Variants in SORL1 observed in about 807,000 individuals in gnomAD.
The protein encoded by SORL1 is sortilin related receptor 1.
Under a neutral mutation model 273.7 loss-of-function variants are expected in SORL1, and 127 were observed. The ratio of observed to expected loss-of-function variants is 0.46; its 90% CI spans 0.40 to 0.54. SORL1 has a LOEUF of 0.54. Among genes scored for constraint, SORL1 ranks in the 20% least tolerant of loss-of-function variants. The pLI is 0.00. For synonymous variants in SORL1, 1,031 were observed against 1,067.4 expected (o/e 0.97, Z 0.66); for missense variants, 2,494 against 2,846.1 (o/e 0.88, Z 2.81).
At position 121,622,237 on chromosome 11, in the gene SORL1, C is replaced by T. The variant is rs1863733779; in HGVS notation, c.6140C>T (p.Ala2047Val). 1 of 1,610,956 alleles carries T rather than the reference C, an allele frequency of 6.2e-7. No homozygotes were observed. The highest frequency in any genetic ancestry group is 8.5e-7 in the Non-Finnish European group (1 of 1,177,896). The stretch of plus-strand genomic sequence containing the variant: ...GTTCTTCTGTTTTGGAAAAGCCTGG[C>T]TTTAAAGGAAAAGCATTTTAATGAA... Reference protein sequence around the residue: ...DHVLLFWKSLALKEKHFNESR... With the variant: ...DHVLLFWKSLVLKEKHFNESR... The change falls in exon 45 of 48, where the codon GCT (alanine) becomes GTT (valine). Residue 2047 changes from alanine (A) to valine (V), a missense_variant. Coordinates refer to ENST00000260197, the MANE Select transcript of SORL1 (RefSeq NM_003105.6).
chr11:121,571,378 C>G (rs1036178040), intron 23 of SORL1, among the ~76,000 whole-genome samples: 3 of 152,212 alleles, frequency 2.0e-5, no homozygotes, highest in Non-Finnish European at 4.4e-5. Flanking sequence ...TGGGCAGCGC[C>G]CAGGACAGCA....
intron 25 of SORL1, among the ~76,000 whole-genome samples, chr11:121,581,840 C>T (rs1286527496): frequency 6.6e-6 from 1 of 152,086 alleles, no homozygotes; most frequent in African/African-American, 2.4e-5. Flanking sequence ...ATTAGTATGG[C>T]AATTGGTTTA....
chr11:121,457,075 G>C (rs1462426352), intron 1 of SORL1, among the ~76,000 whole-genome samples: 1 of 152,316 alleles, frequency 6.6e-6, no homozygotes, highest in East Asian at 1.9e-4. Flanking sequence ...CTCAATAAGG[G>C]ACGTGACCTT....
At chr11:121,457,617 T>C (rs776844857) in intron 1 of SORL1, among the ~76,000 whole-genome samples, 3 of 152,214 alleles carry the variant, frequency 2.0e-5, no homozygotes, top group Non-Finnish European at 4.4e-5. Flanking sequence ...ATAAAATAGA[T>C]GATTACTTTT....
At chr11:121,604,062 T>G in intron 32 of SORL1, 131 bp from the exon 33 acceptor site, 1 of 1,106,580 alleles carries the variant, frequency 9.0e-7, no homozygotes, top group Non-Finnish European at 1.3e-6. Context: ...ATTCCACCAC[T>G]GGTCATTCCA....
At chr11:121,622,732 T>A (rs1178592110) in intron 45 of SORL1, among the ~76,000 whole-genome samples, 2 of 152,252 alleles carry the variant, frequency 1.3e-5, no homozygotes, top group Non-Finnish European at 2.9e-5. Flanking sequence ...TTGAAGATAC[T>A]GTGCTAACTT....
At chr11:121,482,527 C>T (rs545050537) in intron 3 of SORL1, among the ~76,000 whole-genome samples, 1 of 152,222 alleles carries the variant, frequency 6.6e-6, no homozygotes, top group Non-Finnish European at 1.5e-5. Context: ...CTGCTCCTCA[C>T]CACCCCACCA....
chr11:121,566,777 G>A, intron 21 of SORL1, 163 bp from the exon 22 acceptor site: 1 of 628,654 alleles, frequency 1.6e-6, no homozygotes. Context: ...CTGAGCAGAA[G>A]TTTTCAGCAC....
chr11:121,491,250 A>T (rs1861548547), intron 5 of SORL1, among the ~76,000 whole-genome samples: 1 of 152,216 alleles, frequency 6.6e-6, no homozygotes, highest in Non-Finnish European at 1.5e-5. Context: ...GAAAGCAATG[A>T]GGTACCCCTG....
chr11:121,496,190 A>C lies in SORL1; in HGVS notation c.759-679A>C, dbSNP rs137946483. On this transcript the variant is annotated intron_variant, in intron 5 of 47. Coordinates refer to ENST00000260197, the MANE Select transcript of SORL1 (RefSeq NM_003105.6). ...ACAGAGGAGAGTAGGAATTGGATGG[A>C]GGGATCAGAGTGCGTGCAGAGGGCA... Among the ~76,000 whole-genome samples, 536 of 152,346 alleles carry C rather than the reference A, an allele frequency of 3.5e-3. 5 individuals are homozygous for C. Among genetic ancestry groups the C allele is most frequent in the Non-Finnish European group, 6.2e-3 (425 of 68,038 alleles).
chr11:121,605,186 G>T lies in SORL1; in HGVS notation c.4725G>T (p.Trp1575Cys). 6.2e-7 allele frequency: 1 copy of T among 1,613,862 alleles called. No homozygotes were observed. The highest frequency in any genetic ancestry group is 8.5e-7 in the Non-Finnish European group (1 of 1,179,810). ...ADFSGDVTLT[W>C]MRPKKMPSAS... Reference sequence around the variant, plus strand: ...TCTCTGGGGATGTGACTTTGACCTGGATGAGGCCCAAAAAAATGCCCTCTG... The same window carrying T: ...TCTCTGGGGATGTGACTTTGACCTGTATGAGGCCCAAAAAAATGCCCTCTG... Residue 1575 changes from tryptophan to cysteine, a missense_variant, in exon 34 of 48, where the codon TGG (tryptophan) becomes TGT (cysteine). Physicochemically the swap from Trp to Cys is radical, Grantham distance 215. Coordinates refer to ENST00000260197, the MANE Select transcript of SORL1 (RefSeq NM_003105.6).
intron 21 of SORL1, among the ~76,000 whole-genome samples, chr11:121,560,092 C>T (rs937416204): frequency 1.3e-5 from 2 of 152,226 alleles, no homozygotes; most frequent in East Asian, 1.9e-4. Flanking sequence ...GCTCATTGAC[C>T]GTACCTACCT....
rs1449027230 is a variant in SORL1 at position 121,625,134 on chromosome 11, T to G, written c.6221T>G (p.Leu2074Arg). 2 of 1,613,572 alleles carry G rather than the reference T, an allele frequency of 1.2e-6. No individual in the cohort carries two copies. Among genetic ancestry groups the G allele is most frequent in the Admixed American group, 3.3e-5 (2 of 60,012 alleles). ...FDSAMNITAY[L>R]GNTTDNFFKI... ...AGTGCCATGAATATCACAGCTTACCTTGGGAATACTACTGACAATTTCTTT... is the reference window on the plus strand; with the variant it reads ...AGTGCCATGAATATCACAGCTTACCGTGGGAATACTACTGACAATTTCTTT... The change falls in exon 46 of 48, where the codon CTT becomes CGT. Residue 2074 changes from leucine (L) to arginine (R), a missense_variant. By Grantham distance (102) the Leu-to-Arg change is moderately radical. Transcript: ENST00000260197.
rs1054144710 is a variant in SORL1, at chr11:121,605,459, T to C, written c.4836T>C (p.Thr1612=). The C allele has an allele frequency of 1.2e-6, 2 of 1,613,936 alleles. No homozygotes were observed. The highest frequency in any genetic ancestry group is 1.7e-5 in the Admixed American group (1 of 59,990). ...AGACCCACAGCAATAAGACAAACAC[T>C]GTATTAAAAGTCTTGAAACCAGATA... The part of the protein sequence containing the change: ...TLETHSNKTN[T]VLKVLKPDTT... Residue 1612 remains threonine, a synonymous_variant, in exon 35 of 48, where the codon ACT becomes ACC. Coordinates refer to ENST00000260197, the MANE Select transcript of SORL1 (RefSeq NM_003105.6).
At chr11:121,606,453 A>AT (rs1321365013) in intron 35 of SORL1, among the ~76,000 whole-genome samples, 1 of 152,184 alleles carries the variant, frequency 6.6e-6, no homozygotes, top group Non-Finnish European at 1.5e-5. Context: ...AATTAGTCTT[A>AT]TTTTTTGGTA....
chr11:121,609,339 G>A (rs1863525909), intron 38 of SORL1: 1 of 152,224 alleles, frequency 6.6e-6, no homozygotes, highest in Admixed American at 6.5e-5. Context: ...CTGAATGCTT[G>A]CAGGTATTAG....
At chr11:121,566,798 C>T (rs1862760558) in intron 21 of SORL1, 142 bp from the exon 22 acceptor site, 11 of 751,252 alleles carry the variant, frequency 1.5e-5, no homozygotes, top group Non-Finnish European at 2.3e-5. Context: ...AGTAGGCGCC[C>T]CAAAGCTTGC....
At chr11:121,587,448 GTC>G (rs1236014325) in intron 27 of SORL1, among the ~76,000 whole-genome samples, 2 of 152,184 alleles carry the variant, frequency 1.3e-5, no homozygotes, top group Non-Finnish European at 1.5e-5. Context: ...CATTCCTGGT[GTC>G]TCTCTCTTCT....
At chr11:121,457,675 T>C (rs1444798924) in intron 1 of SORL1, among the ~76,000 whole-genome samples, 1 of 152,244 alleles carries the variant, frequency 6.6e-6, no homozygotes, top group Non-Finnish European at 1.5e-5. Flanking sequence ...ACTTCAAGCG[T>C]TCTTGCAGAG....
Sources: allele counts gnomAD v4.1 joint callset (sites outside exome capture counted in the v4.1 genomes callset), GRCh38; gene constraint gnomAD v4.1.1; transcripts MANE v1.5; gene names NCBI Gene and HGNC (gene_info 2026-07-23, HGNC 2026-07-21).